The following TMEM131 variants were observed in gnomAD, a reference collection of about 807,000 sequenced individuals.
TMEM131 encodes transmembrane protein 131.
Under a neutral mutation model 211.6 loss-of-function variants are expected in TMEM131, and 66 were observed. That is an observed-to-expected ratio of 0.31 (90% CI 0.26 to 0.38). The LOEUF (loss-of-function observed/expected upper bound fraction) is 0.38. Among genes scored for constraint, TMEM131 ranks in the 10% least tolerant of loss-of-function variants. TMEM131 has a pLI of 1.00. For synonymous variants in TMEM131, 844 were observed against 841.3 expected (o/e 1.00, Z -0.06); for missense variants, 2,036 against 2,299.3 (o/e 0.89, Z 2.34).
rs1273180954 is a variant in TMEM131 at position 97,762,069 on chromosome 2, T to C, written c.4855A>G (p.Ser1619Gly). The C allele has an allele frequency of 6.3e-7, 1 of 1,594,386 alleles. No individual in the cohort carries two copies. Among genetic ancestry groups the C allele is most frequent in the South Asian group, 1.1e-5 (1 of 88,104 alleles). Residue 1619 changes from serine (S) to glycine (G), a missense_variant, in exon 36 of 41, where the codon AGC becomes GGC. Around this residue, in one of 3 missense-constraint regions of TMEM131, gnomAD observed 1,623 missense variants for 1,805.9 expected, o/e 0.90. Coordinates refer to ENST00000186436, the MANE Select transcript of TMEM131 (RefSeq NM_015348.2). ...CTGCTGTTGACGATGCTGCTGTAGC[T>C]GCCCCGGGCCACAAAGGGGCAGGGG... is the stretch of plus-strand genomic sequence containing the variant. The part of the protein sequence containing the change: ...AAPCPFVARG[S>G]YSSIVNSSSS...
intron 36 of TMEM131, 25 bp downstream of exon 36, chr2:97,762,010 A>G (rs775874388): frequency 3.1e-5 from 48 of 1,532,440 alleles, no homozygotes; most frequent in Non-Finnish European, 3.1e-5. Context: ...CAAGCTGAGA[A>G]CCGGAAAGGA....
In TMEM131 at chr2:97,756,557, C is replaced by CTT. The variant is rs758645298; in HGVS notation, c.*540_*541dup. The CTT allele has an allele frequency of 7.9e-5, 12 of 152,254 alleles. 1 individual carries two copies. Among genetic ancestry groups the CTT allele is most frequent in the African/African-American group, 1.9e-4 (8 of 41,466 alleles). 9.4% of individuals were successfully genotyped at this position (152,254 alleles called of 1,614,324 possible). ...CATTCATTCACCGTTCTTAAGTTGACTTACATTTCTGTAATCTGCTTTTAA... is the reference window on the plus strand; with the variant it reads ...CATTCATTCACCGTTCTTAAGTTGACTTTTACATTTCTGTAATCTGCTTTTAA... On this transcript the variant is annotated 3_prime_UTR_variant, in exon 41 of 41. Coordinates refer to ENST00000186436, the MANE Select transcript of TMEM131 (RefSeq NM_015348.2).
chr2:97,806,223 G>A (rs919914773), intron 19 of TMEM131, among the ~76,000 whole-genome samples: 6 of 152,136 alleles, frequency 3.9e-5, no homozygotes, highest in Non-Finnish European at 8.8e-5. Flanking sequence ...TGAAATTATG[G>A]GTTGTCAAGT....
intron 3 of TMEM131, among the ~76,000 whole-genome samples, chr2:97,895,471 G>A (rs758779177): frequency 1.3e-5 from 2 of 152,160 alleles, no homozygotes; most frequent in Non-Finnish European, 2.9e-5. Flanking sequence ...ACCTCTGGTT[G>A]AATTTGGTTG....
At chr2:97,815,136 G>T in intron 13 of TMEM131, 63 bp downstream of exon 13, 1 of 911,962 alleles carries the variant, frequency 1.1e-6, no homozygotes, top group Non-Finnish European at 1.6e-6. Flanking sequence ...AGGTCATTTA[G>T]CAGGAAAATA....
At chr2:97,785,925 T>C (rs1006045104) in intron 31 of TMEM131, among the ~76,000 whole-genome samples, 5 of 152,228 alleles carry the variant, frequency 3.3e-5, no homozygotes, top group African/African-American at 1.2e-4. Flanking sequence ...AAGTTCTCCT[T>C]AGTCTGGCAA....
Position 97,791,477 on chromosome 2 carries a change from C to T in TMEM131, c.4144+909G>A, listed in dbSNP as rs546127534. ...CCCGCTCTGTGGAGAGGAACCATGA[C>T]AGACCTCTGGCCACAGCCAGCAAGG... On this transcript the variant is annotated intron_variant, in intron 31 of 40. Coordinates refer to ENST00000186436, the MANE Select transcript of TMEM131 (RefSeq NM_015348.2). Among the ~76,000 whole-genome samples the T allele has an allele frequency of 3.2e-4, 49 of 152,356 alleles. 4 individuals carry two copies. The South Asian group carries it at 9.5e-3, about 30-fold the overall frequency.
chr2:97,991,321 G>A (rs1003864731), intron 1 of TMEM131, among the ~76,000 whole-genome samples: 5 of 152,170 alleles, frequency 3.3e-5, no homozygotes, highest in African/African-American at 1.2e-4. Context: ...AATTCAGAGG[G>A]AGCATGCAGG....
At chr2:97,846,727 ATTC>A (rs201533826) in intron 5 of TMEM131, among the ~76,000 whole-genome samples, 3,411 of 152,178 alleles carry the variant, frequency 0.022, 49 homozygotes, top group Non-Finnish European at 0.034. Context: ...GCCCAAGACA[ATTC>A]TTCTTCTTCC....
intron 13 of TMEM131, 91 bp downstream of exon 13, chr2:97,815,108 C>A (rs1418095048): frequency 1.6e-6 from 1 of 611,724 alleles, no homozygotes; most frequent in South Asian, 3.7e-5. Context: ...TTTATGTGAA[C>A]GTGGCTAGTA....
At chr2:97,982,360 T>G (rs1679835944) in intron 1 of TMEM131, among the ~76,000 whole-genome samples, 1 of 152,316 alleles carries the variant, frequency 6.6e-6, no homozygotes, top group Non-Finnish European at 1.5e-5. Flanking sequence ...ATTTTTTAAT[T>G]GCACTGTCTG....
At chr2:97,854,688 G>A (rs1301801660) in intron 5 of TMEM131, among the ~76,000 whole-genome samples, 1 of 152,130 alleles carries the variant, frequency 6.6e-6, no homozygotes, top group Non-Finnish European at 1.5e-5. Flanking sequence ...TTCATAGTCT[G>A]CCCCCTTACT....
rs183960755 is a variant in TMEM131, at chr2:97,871,356, C to T, written c.360-11929G>A. Among the ~76,000 whole-genome samples the T allele has an allele frequency of 1.5e-3, 228 of 152,280 alleles. 3 individuals are homozygous for T. The highest frequency in any genetic ancestry group is 2.5e-4 in the Non-Finnish European group (17 of 68,014). ...GGGAGGAATTTAGTTTATAGTTTAA[C>T]ATTAAAGCAAGGATGATAATAACCT... On this transcript the variant is annotated intron_variant, in intron 4 of 40. Transcript: ENST00000186436.
chr2:97,778,882 C>T (rs1679854999), intron 31 of TMEM131, among the ~76,000 whole-genome samples: 1 of 152,130 alleles, frequency 6.6e-6, no homozygotes, highest in Non-Finnish European at 1.5e-5. Context: ...TCTCTTTTTC[C>T]TTTACATTCT....
At chr2:97,824,563 G>T (rs140746236) in intron 11 of TMEM131, among the ~76,000 whole-genome samples, 1 of 152,286 alleles carries the variant, frequency 6.6e-6, no homozygotes, top group African/African-American at 2.4e-5. Flanking sequence ...ATTAGGGAGA[G>T]ATATATTAGC....
chr2:97,846,093 A>G (rs1683415760), intron 5 of TMEM131, among the ~76,000 whole-genome samples: 1 of 152,234 alleles, frequency 6.6e-6, no homozygotes. Flanking sequence ...CCCACAAAGA[A>G]AAGCCCGAGC....
intron 4 of TMEM131, among the ~76,000 whole-genome samples, chr2:97,861,381 T>C (rs1207178291): frequency 6.6e-6 from 1 of 151,006 alleles, no homozygotes; most frequent in Non-Finnish European, 1.5e-5. Context: ...TTCTTCTGCT[T>C]GACAGAGGAG....
intron 11 of TMEM131, among the ~76,000 whole-genome samples, chr2:97,819,988 C>T (rs1682034836): frequency 6.6e-6 from 1 of 152,224 alleles, no homozygotes; most frequent in African/African-American, 2.4e-5. Context: ...TGTGGGATCA[C>T]AGGGTACGGA....
At chr2:97,956,269 A>G (rs1454203831) in intron 1 of TMEM131, among the ~76,000 whole-genome samples, 2 of 152,250 alleles carry the variant, frequency 1.3e-5, no homozygotes, top group Non-Finnish European at 2.9e-5. Context: ...TCAATTTTCA[A>G]TAAATGGTGC....
Sources: allele counts gnomAD v4.1 joint callset (sites outside exome capture counted in the v4.1 genomes callset), GRCh38; gene constraint gnomAD v4.1.1; regional missense constraint gnomAD v4.1.1; transcripts MANE v1.5; gene names NCBI Gene and HGNC (gene_info 2026-07-23, HGNC 2026-07-21).